Variants in IFT81 observed in about 807,000 individuals in gnomAD.
The protein encoded by IFT81 is intraflagellar transport protein 81 homolog.
IFT81 carries 72 observed loss-of-function variants against 102.6 expected under a neutral mutation model. That is an observed-to-expected ratio of 0.70 (90% CI 0.58 to 0.85). The LOEUF (loss-of-function observed/expected upper bound fraction) is 0.85, where lower values mean the gene tolerates loss of function less well. IFT81 is among the 40% of genes least tolerant of loss of function. The probability of loss-of-function intolerance (pLI) is 0.00; values close to 1 mark genes in which losing one functional copy is unlikely to be tolerated. For synonymous variants in IFT81, 237 were observed against 242.7 expected (o/e 0.98, Z 0.22); for missense variants, 723 against 787.3 (o/e 0.92, Z 0.98).
chr12:110,203,811 T>G, intron 14 of IFT81, 53 bp from the exon 15 acceptor site: 2 of 1,194,054 alleles, frequency 1.7e-6, no homozygotes, highest in South Asian at 2.4e-5. Flanking sequence ...TTCAGAGCCA[T>G]GTTTGGGACC....
chr12:110,135,273 A>C, intron 6 of IFT81, 54 bp from the exon 7 acceptor site: 2 of 1,129,408 alleles, frequency 1.8e-6, no homozygotes, highest in Non-Finnish European at 2.6e-6. Flanking sequence ...ATGACATGCT[A>C]ATTTTTTTCT....
intron 11 of IFT81, among the ~76,000 whole-genome samples, chr12:110,173,297 G>A (rs1264202585): frequency 6.7e-6 from 1 of 150,258 alleles, no homozygotes; most frequent in Non-Finnish European, 1.5e-5. Context: ...TGGGAAGTGA[G>A]GAGCCTCTCT....
chr12:110,170,873 C>T (rs911343945), intron 11 of IFT81, among the ~76,000 whole-genome samples: 13 of 152,316 alleles, frequency 8.5e-5, no homozygotes, highest in Admixed American at 7.8e-4. Context: ...TCTACAGCTA[C>T]TGACAAATCT....
At chr12:110,181,305 T>C (rs1049028404) in intron 12 of IFT81, among the ~76,000 whole-genome samples, 12 of 152,246 alleles carry the variant, frequency 7.9e-5, no homozygotes, top group Non-Finnish European at 1.3e-4. Context: ...CTAACAGCAC[T>C]AACTTTAAAA....
At chr12:110,203,811 T>C in intron 14 of IFT81, 53 bp from the exon 15 acceptor site, 1 of 1,194,054 alleles carries the variant, frequency 8.4e-7, no homozygotes, top group Non-Finnish European at 1.3e-6. Flanking sequence ...TTCAGAGCCA[T>C]GTTTGGGACC....
chr12:110,187,602 T>A (rs1485610008), intron 12 of IFT81, among the ~76,000 whole-genome samples: 1 of 152,172 alleles, frequency 6.6e-6, no homozygotes, highest in Non-Finnish European at 1.5e-5. Context: ...CATTTGGGCC[T>A]ATTACTTTGC....
chr12:110,157,704 C>T (rs1895918104), intron 10 of IFT81, among the ~76,000 whole-genome samples: 1 of 152,182 alleles, frequency 6.6e-6, no homozygotes, highest in African/African-American at 2.4e-5. Context: ...AGGCTCTGTT[C>T]ACTTTTCTTC....
At chr12:110,177,725 AAATTTTAG>A (rs1897099627) in intron 11 of IFT81, among the ~76,000 whole-genome samples, 1 of 152,254 alleles carries the variant, frequency 6.6e-6, no homozygotes, top group Non-Finnish European at 1.5e-5. Flanking sequence ...GAAAAAAATT[AAATTTTAG>A]AGATGGTGTA....
At chr12:110,193,561 G>C (rs1192268847) in intron 14 of IFT81, among the ~76,000 whole-genome samples, 1 of 152,202 alleles carries the variant, frequency 6.6e-6, no homozygotes, top group Non-Finnish European at 1.5e-5. Context: ...ATCCAGATCA[G>C]ACAGCCTCCA....
At chr12:110,169,447 A>G (rs1896633090) in intron 11 of IFT81, among the ~76,000 whole-genome samples, 1 of 152,192 alleles carries the variant, frequency 6.6e-6, no homozygotes, top group South Asian at 2.1e-4. Flanking sequence ...GACCCCTGAC[A>G]CAGATGGATT....
chr12:110,203,877 A>G lies in IFT81; in HGVS notation c.1571A>G (p.Glu524Gly). The change falls in exon 15 of 19, where the codon GAG becomes GGG. Residue 524 changes from glutamate to glycine, a missense_variant. By Grantham distance (98) the Glu-to-Gly change is moderately conservative (BLOSUM62 -2). Transcript: ENST00000242591. The part of the protein sequence containing the change: ...LRQKYQELTQ[E>G]CDEKKSQYDS... ...TTTTTATACTAGGAACTGACCCAGGAGTGTGATGAAAAGAAATCCCAGTAT... is the reference window on the plus strand; with the variant it reads ...TTTTTATACTAGGAACTGACCCAGGGGTGTGATGAAAAGAAATCCCAGTAT... 6.2e-7 allele frequency: 1 copy of G among 1,612,068 alleles called. No homozygotes were observed. Among genetic ancestry groups the G allele is most frequent in the Non-Finnish European group, 8.5e-7 (1 of 1,178,118 alleles).
At chr12:110,139,001 T>C (rs1421114435) in intron 8 of IFT81, among the ~76,000 whole-genome samples, 1 of 152,140 alleles carries the variant, frequency 6.6e-6, no homozygotes, top group African/African-American at 2.4e-5. Context: ...ACTTGGTTTT[T>C]ATGTTTTAAA....
At chr12:110,146,262 A>AT (rs778838661) in intron 9 of IFT81, among the ~76,000 whole-genome samples, 23 of 152,182 alleles carry the variant, frequency 1.5e-4, no homozygotes, top group Admixed American at 3.9e-4. Flanking sequence ...GTTTTATTAC[A>AT]TTTTGGAAAG....
At chr12:110,201,599 TTTTA>T (rs551774743) in intron 14 of IFT81, among the ~76,000 whole-genome samples, 1 of 151,114 alleles carries the variant, frequency 6.6e-6, no homozygotes, top group Admixed American at 6.6e-5. Flanking sequence ...TCTGGCTAAT[TTTTA>T]TTTATTTATT....
chr12:110,205,367 G>A, intron 15 of IFT81, 76 bp from the exon 16 acceptor site: 2 of 1,454,604 alleles, frequency 1.4e-6, no homozygotes, highest in Non-Finnish European at 1.8e-6. Context: ...GTCCTTTGTT[G>A]TACATCTAAA....
Position 110,218,111 on chromosome 12 carries a change from G to A in IFT81, c.1916G>A (p.Trp639Ter). ...CCAAATATGAAACAAGCAAAAATGT[G>A]GCGTGATTTGGAACAATTAATGGAA... ...HGPNMKQAKM[W>*]RDLEQLMECK... The change falls in exon 19 of 19, where the codon TGG becomes TAG. Residue 639 changes from tryptophan (W) to a stop codon, truncating the protein, a stop_gained. Coordinates refer to ENST00000242591, the MANE Select transcript of IFT81 (RefSeq NM_014055.4). LOFTEE classifies it high-confidence loss of function. The A allele has an allele frequency of 6.2e-7, 1 of 1,600,952 alleles. No individual in the cohort carries two copies. The highest frequency in any genetic ancestry group is 8.5e-7 in the Non-Finnish European group (1 of 1,176,008).
chr12:110,128,840 T>C (rs1402546454), intron 3 of IFT81, 110 bp from the exon 4 acceptor site: 16 of 752,808 alleles, frequency 2.1e-5, no homozygotes, highest in Non-Finnish European at 3.2e-5. Context: ...TTTTAAAAAG[T>C]TACAGAAAGC....
At chr12:110,199,406 A>G (rs1181993856) in intron 14 of IFT81, among the ~76,000 whole-genome samples, 1 of 152,046 alleles carries the variant, frequency 6.6e-6, no homozygotes, top group East Asian at 1.9e-4. Flanking sequence ...ACAAACTTGG[A>G]GCTAATATTG....
intron 10 of IFT81, among the ~76,000 whole-genome samples, chr12:110,159,872 G>C (rs1196501639): frequency 6.6e-6 from 1 of 152,178 alleles, no homozygotes; most frequent in Non-Finnish European, 1.5e-5. Context: ...TGTGCTAAGG[G>C]TTGAAATTGA....
Sources: allele counts gnomAD v4.1 joint callset (sites outside exome capture counted in the v4.1 genomes callset), GRCh38; gene constraint gnomAD v4.1.1; transcripts MANE v1.5; gene names NCBI Gene and HGNC (gene_info 2026-07-23, HGNC 2026-07-21).